The following DNM3 variants were observed in gnomAD, a reference collection of about 807,000 sequenced individuals.
DNM3 encodes the protein dynamin-3.
A neutral mutation model predicts 101.6 loss-of-function variants in DNM3; 47 were observed. That is an observed-to-expected ratio of 0.46 (90% confidence interval 0.37 to 0.59). The LOEUF (loss-of-function observed/expected upper bound fraction) is 0.59. DNM3 is among the 20% of genes least tolerant of loss of function. DNM3 has a pLI of 0.00. For missense variants in DNM3, 849 were observed against 1,085.7 expected, an observed-to-expected ratio of 0.78 and a Z score of 3.06; for synonymous variants, 385 against 387.9, an observed-to-expected ratio of 0.99 and a Z score of 0.09.
At chr1:172,085,056 C>G (rs2053434682) in intron 12 of DNM3, among the ~76,000 whole-genome samples, 1 of 151,922 alleles carries the variant, frequency 6.6e-6, no homozygotes, top group Admixed American at 6.6e-5. Flanking sequence ...ATTTGTTAGA[C>G]ATGGCCTGTA....
intron 2 of DNM3, among the ~76,000 whole-genome samples, chr1:171,981,062 C>T (rs1005328803): frequency 3.9e-5 from 6 of 152,122 alleles, no homozygotes; most frequent in African/African-American, 1.2e-4. Context: ...CCACCGTGCC[C>T]GGCCTACAGA....
intron 15 of DNM3, among the ~76,000 whole-genome samples, chr1:172,266,213 T>C (rs907541540): frequency 6.6e-6 from 1 of 152,224 alleles, no homozygotes; most frequent in Admixed American, 6.5e-5. Flanking sequence ...TATACCTCTA[T>C]GGCTACATTT....
intron 15 of DNM3, among the ~76,000 whole-genome samples, chr1:172,305,208 C>G (rs1281315288): frequency 1.3e-5 from 2 of 152,210 alleles, no homozygotes; most frequent in South Asian, 4.2e-4. Context: ...GATATCATCA[C>G]CGATCCCACA....
At position 172,317,194 on chromosome 1, in the gene DNM3, A is replaced by G. The variant is rs377594236; in HGVS notation, c.1882-6135A>G. Among the ~76,000 whole-genome samples, 145 of 151,888 alleles carry G rather than the reference A, an allele frequency of 9.5e-4. 4 individuals carry two copies. In the East Asian group the frequency reaches 0.023, roughly 24 times the overall value. On this transcript the variant is annotated intron_variant, in intron 16 of 20. Coordinates refer to ENST00000627582, the MANE Select transcript of DNM3 (RefSeq NM_015569.5). ...AAAGATGTTCTTTGAAACCAACGAGAACAAAGACACAACATACCAGAATCT... is the reference window on the plus strand; with the variant it reads ...AAAGATGTTCTTTGAAACCAACGAGGACAAAGACACAACATACCAGAATCT...
At chr1:171,868,055 G>C (rs185056924) in intron 1 of DNM3, among the ~76,000 whole-genome samples, 1 of 152,022 alleles carries the variant, frequency 6.6e-6, no homozygotes. Flanking sequence ...GAAATACATT[G>C]GTAAATTACT....
At chr1:172,090,046 A>C (rs781088419) in intron 12 of DNM3, among the ~76,000 whole-genome samples, 1 of 152,202 alleles carries the variant, frequency 6.6e-6, no homozygotes, top group Non-Finnish European at 1.5e-5. Flanking sequence ...CTTTTGCTTT[A>C]CATTCAACTT....
At chr1:172,267,037 G>A (rs1401259656) in intron 15 of DNM3, among the ~76,000 whole-genome samples, 1 of 152,122 alleles carries the variant, frequency 6.6e-6, no homozygotes, top group Non-Finnish European at 1.5e-5. Flanking sequence ...GTTACTAGGG[G>A]GATCACCTGA....
chr1:172,063,920 A>G (rs2051450371), intron 10 of DNM3, among the ~76,000 whole-genome samples: 1 of 152,116 alleles, frequency 6.6e-6, no homozygotes, highest in African/African-American at 2.4e-5. Context: ...GACCTCTCAC[A>G]CCTGGTTTAT....
intron 14 of DNM3, among the ~76,000 whole-genome samples, chr1:172,214,914 A>T (rs2060638706): frequency 6.6e-6 from 1 of 152,150 alleles, no homozygotes; most frequent in Non-Finnish European, 1.5e-5. Context: ...TGCAGAAAAC[A>T]GATCTATGGT....
rs553182451 is a variant in DNM3 at position 172,126,608 on chromosome 1, A to C, written c.1546-4567A>C. On this transcript the variant is annotated intron_variant, in intron 13 of 20. Coordinates refer to ENST00000627582, the MANE Select transcript of DNM3 (RefSeq NM_015569.5). ...TAAATGCTTCTAGAAATAGTGGTGC[A>C]TCTTTGAGGAATGAATCTAATGGTG... is the stretch of plus-strand genomic sequence containing the variant. Among the ~76,000 whole-genome samples the C allele has an allele frequency of 5.3e-4, 80 of 152,314 alleles. 1 individual carries two copies. Among genetic ancestry groups the C allele is most frequent in the Admixed American group, 1.8e-3 (28 of 15,280 alleles).
At chr1:172,347,378 G>A (rs917946569) in intron 17 of DNM3, among the ~76,000 whole-genome samples, 2 of 152,126 alleles carry the variant, frequency 1.3e-5, no homozygotes, top group Non-Finnish European at 2.9e-5. Flanking sequence ...CAGACCTTCA[G>A]AGATGAGATA....
In DNM3 at chr1:172,411,503, T is replaced by G. The variant is rs908043044; in HGVS notation, c.*3662T>G. On this transcript the variant is annotated 3_prime_UTR_variant, in exon 21 of 21. Coordinates refer to ENST00000627582, the MANE Select transcript of DNM3 (RefSeq NM_015569.5). ...TGAGCTGAATCTTAAAAAGCCAAGT[T>G]GATATACATAGTCATTTTTCCTCTA... is the stretch of plus-strand genomic sequence containing the variant. The G allele has an allele frequency of 2.6e-5, 26 of 983,618 alleles. No homozygotes were observed. Among genetic ancestry groups the G allele is most frequent in the Non-Finnish European group, 2.8e-5 (23 of 829,310 alleles). The allele number at this position is 983,618 out of a possible 1,614,324, so 60.9% of individuals were successfully genotyped here. A position where few individuals can be genotyped will look rare whatever the true frequency, so the allele number is the denominator to read the frequency against.
intron 14 of DNM3, among the ~76,000 whole-genome samples, chr1:172,206,759 C>A (rs942215566): frequency 1.3e-5 from 2 of 152,028 alleles, no homozygotes; most frequent in African/African-American, 4.8e-5. Context: ...TTGCTGACAC[C>A]CAGGAGCTGT....
chr1:172,232,170 C>T (rs2061362649), intron 14 of DNM3, among the ~76,000 whole-genome samples: 1 of 151,932 alleles, frequency 6.6e-6, no homozygotes, highest in African/African-American at 2.4e-5. Flanking sequence ...CACACATAGG[C>T]TCAAAATAAA....
chr1:172,377,553 C>CATATAT (rs34612864), intron 17 of DNM3, among the ~76,000 whole-genome samples: 2,540 of 123,336 alleles, frequency 0.021, 51 homozygotes, highest in African/African-American at 0.023. Context: ...TGATATATAT[C>CATATAT]ATATATATAT....
At chr1:172,104,673 A>C (rs545080257) in intron 13 of DNM3, among the ~76,000 whole-genome samples, 1 of 152,134 alleles carries the variant, frequency 6.6e-6, no homozygotes, top group African/African-American at 2.4e-5. Flanking sequence ...AGTAATGTTT[A>C]TTGTTCTTTA....
chr1:172,389,849 G>A (rs964144505), intron 20 of DNM3, among the ~76,000 whole-genome samples: 2 of 152,184 alleles, frequency 1.3e-5, no homozygotes, highest in African/African-American at 4.8e-5. Context: ...AAGAGAAGAA[G>A]GGGGATCTTA....
chr1:171,881,045 A>C (rs1335702477), intron 1 of DNM3, among the ~76,000 whole-genome samples: 1 of 152,152 alleles, frequency 6.6e-6, no homozygotes, highest in Non-Finnish European at 1.5e-5. Flanking sequence ...TATCTCCCCA[A>C]GTCTCAGGTC....
intron 20 of DNM3, among the ~76,000 whole-genome samples, chr1:172,406,083 A>G (rs968245988): frequency 6.6e-6 from 1 of 152,028 alleles, no homozygotes; most frequent in Non-Finnish European, 1.5e-5. Context: ...TGATTAAGAG[A>G]CAGCTCATTT....
Sources: gnomAD v4.1 joint callset for allele counts (sites outside exome capture counted in the v4.1 genomes callset) on GRCh38, gnomAD v4.1.1 for gene constraint, MANE v1.5 for transcripts, NCBI Gene and HGNC (gene_info 2026-07-23, HGNC 2026-07-21) for gene names.